The following ELP4 variants were observed in gnomAD, a reference collection of about 807,000 sequenced individuals.
ELP4 encodes elongator complex protein 4.
A neutral mutation model predicts 48.9 loss-of-function variants in ELP4; 51 were observed. The observed-to-expected ratio is 1.04, with a 90% CI of 0.83 to 1.32. The LOEUF (loss-of-function observed/expected upper bound fraction) is 1.32, where lower values mean the gene tolerates loss of function less well. Among genes scored for constraint, ELP4 ranks in the 40% most tolerant of loss-of-function variants. The pLI is 0.00. For missense variants in ELP4, 519 were observed against 514.6 expected (o/e 1.01, Z -0.08); for synonymous variants, 210 against 189.2 (o/e 1.11, Z -0.90).
At chr11:31,719,115 C>G (rs1002834783) in intron 9 of ELP4, among the ~76,000 whole-genome samples, 2 of 151,826 alleles carry the variant, frequency 1.3e-5, no homozygotes, top group Admixed American at 1.3e-4. Context: ...AAAAATTAGC[C>G]AGGTGTGGTG....
At chr11:31,689,850 T>TGTGGTG (rs369346535) in intron 9 of ELP4, among the ~76,000 whole-genome samples, 3 of 152,038 alleles carry the variant, frequency 2.0e-5, no homozygotes, top group African/African-American at 7.2e-5. Flanking sequence ...GGGTTGTGGT[T>TGTGGTG]GTGGTGGTGG....
intron 2 of ELP4, among the ~76,000 whole-genome samples, chr11:31,523,039 AT>A (rs369793709): frequency 0.029 from 4,147 of 145,218 alleles, 167 homozygotes; most frequent in African/African-American, 0.096. Context: ...TTATTTATTA[AT>A]TTTTTTTTTT....
Position 31,788,858 on chromosome 11 carries a change from T to C in ELP4, c.*5334T>C, listed in dbSNP as rs1948933394. Reference sequence around the variant, plus strand: ...AACAGAGTGTGTGTGAAAGTAACCATTGGTTTAGAATGTTGATCTAACATG... The same window carrying C: ...AACAGAGTGTGTGTGAAAGTAACCACTGGTTTAGAATGTTGATCTAACATG... On this transcript the variant is annotated 3_prime_UTR_variant, in exon 10 of 10. Coordinates refer to ENST00000640961, the MANE Select transcript of ELP4 (RefSeq NM_019040.5). 9.9e-6 allele frequency: 2 copies of C among 202,888 alleles called. No individual in the cohort carries two copies. Among genetic ancestry groups the C allele is most frequent in the Admixed American group, 1.2e-4 (2 of 16,722 alleles). 12.6% of individuals were successfully genotyped at this position (202,888 alleles called of 1,614,324 possible).
chr11:31,673,612 A>G (rs1945856102), intron 9 of ELP4, among the ~76,000 whole-genome samples: 1 of 152,134 alleles, frequency 6.6e-6, no homozygotes, highest in Non-Finnish European at 1.5e-5. Flanking sequence ...TACAGGCATG[A>G]GCCACTGCAC....
chr11:31,553,266 CATG>C (rs1264096295), intron 3 of ELP4, among the ~76,000 whole-genome samples: 1 of 152,050 alleles, frequency 6.6e-6, no homozygotes, highest in East Asian at 1.9e-4. Context: ...TCTGAGGAAA[CATG>C]ATACCCAAAT....
Position 31,537,477 on chromosome 11 carries a change from TAGTCCCTTCTCGCACTGCTCTAA to T in ELP4, c.260-2182_260-2160del, listed in dbSNP as rs1404370476. The stretch of plus-strand genomic sequence containing the variant: ...GTTCAGATTTCTTTGACTGTTGTAT[TAGTCCCTTCTCGCACTGCTCTAA>T]AGAAATAATTGAGACTGGGTAATTT... On this transcript the variant is annotated intron_variant, in intron 2 of 9. Transcript: ENST00000640961. Among the ~76,000 whole-genome samples, 11 of 152,330 alleles carry T rather than the reference TAGTCCCTTCTCGCACTGCTCTAA, an allele frequency of 7.2e-5. No homozygotes were observed. In the East Asian group the frequency reaches 1.3e-3, roughly 19 times the overall value.
At chr11:31,515,500 TAAAAAAG>T (rs1956095009) in intron 1 of ELP4, among the ~76,000 whole-genome samples, 2 of 151,844 alleles carry the variant, frequency 1.3e-5, no homozygotes, top group Admixed American at 1.3e-4. Context: ...ATCAAAGAAT[TAAAAAAG>T]AAAAAGAATT....
At chr11:31,692,693 A>G (rs1946304608) in intron 9 of ELP4, among the ~76,000 whole-genome samples, 1 of 152,080 alleles carries the variant, frequency 6.6e-6, no homozygotes, top group Non-Finnish European at 1.5e-5. Flanking sequence ...CTTAATTCCA[A>G]TTCCTCGAAG....
Position 31,520,107 on chromosome 11 carries a change from A to C in ELP4, c.259+16A>C, listed in dbSNP as rs1370275265. Reference sequence around the variant, plus strand: ...CTTCTAATTGGTTAGTACAAAATACATGCTTTGCTCTCCTCTATCATTGTT... The same window carrying C: ...CTTCTAATTGGTTAGTACAAAATACCTGCTTTGCTCTCCTCTATCATTGTT... On this transcript the variant is annotated intron_variant, in intron 2 of 9. Coordinates refer to ENST00000640961, the MANE Select transcript of ELP4 (RefSeq NM_019040.5). The C allele has an allele frequency of 1.9e-6, 3 of 1,605,230 alleles. No individual in the cohort carries two copies. Among genetic ancestry groups the C allele is most frequent in the East Asian group, 4.5e-5 (2 of 44,498 alleles).
intron 3 of ELP4, among the ~76,000 whole-genome samples, chr11:31,547,286 A>G (rs1398148244): frequency 3.9e-5 from 6 of 152,094 alleles, no homozygotes; most frequent in Admixed American, 1.3e-4. Flanking sequence ...AGACGCAATA[A>G]AAAATGATAA....
chr11:31,779,199 A>G (rs1948314944), intron 9 of ELP4, among the ~76,000 whole-genome samples: 1 of 152,254 alleles, frequency 6.6e-6, no homozygotes, highest in African/African-American at 2.4e-5. Flanking sequence ...AGTATACTAC[A>G]TCAGTTGTTT....
intron 9 of ELP4, among the ~76,000 whole-genome samples, chr11:31,721,329 A>T (rs1201816932): frequency 1.3e-5 from 2 of 152,168 alleles, no homozygotes; most frequent in African/African-American, 4.8e-5. Context: ...TGATTTTGGT[A>T]TGCATGATTT....
intron 3 of ELP4, among the ~76,000 whole-genome samples, chr11:31,589,805 T>G (rs1957538463): frequency 6.6e-6 from 1 of 152,142 alleles, no homozygotes; most frequent in Admixed American, 6.5e-5. Flanking sequence ...CCTTCTTACT[T>G]TGCTCCAGTT....
At chr11:31,780,718 A>G (rs1450871965) in intron 9 of ELP4, 1 of 152,202 alleles carries the variant, frequency 6.6e-6, no homozygotes, top group African/African-American at 2.4e-5. Flanking sequence ...ATTGCCTAGA[A>G]AAGCAGAGGC....
chr11:31,627,109 G>A lies in ELP4; in HGVS notation c.654-1G>A. ...ATTTGAACCACTTCTTTTACCAACA[G>A]TTCTTTGACCCCTGGCTACACAAAG... On this transcript the variant is annotated splice_acceptor_variant, in intron 5 of 9. Coordinates refer to ENST00000640961, the MANE Select transcript of ELP4 (RefSeq NM_019040.5). LOFTEE classifies it high-confidence loss of function. 1 of 1,601,978 alleles carries A rather than the reference G, an allele frequency of 6.2e-7. No homozygotes were observed. The highest frequency in any genetic ancestry group is 1.1e-5 in the South Asian group (1 of 89,802).
chr11:31,737,687 T>A (rs1947349504), intron 9 of ELP4, among the ~76,000 whole-genome samples: 2 of 152,060 alleles, frequency 1.3e-5, no homozygotes, highest in Non-Finnish European at 2.9e-5. Context: ...GAATCGACAT[T>A]TCTTCAAAGA....
chr11:31,592,182 A>C (rs1957591129), intron 3 of ELP4, among the ~76,000 whole-genome samples: 1 of 152,196 alleles, frequency 6.6e-6, no homozygotes, highest in Non-Finnish European at 1.5e-5. Flanking sequence ...ACTCTGAATT[A>C]TTAAAAATTA....
At chr11:31,748,244 T>G (rs1251616585) in intron 9 of ELP4, among the ~76,000 whole-genome samples, 7 of 122,802 alleles carry the variant, frequency 5.7e-5, no homozygotes, top group Admixed American at 4.8e-4. Context: ...AACCAAGATC[T>G]TTTTTTTTTT....
intron 9 of ELP4, among the ~76,000 whole-genome samples, chr11:31,774,015 C>CA (rs1431659065): frequency 3.3e-5 from 5 of 152,038 alleles, no homozygotes; most frequent in African/African-American, 7.2e-5. Flanking sequence ...CCTATCTTTA[C>CA]AAAAAATACA....
Sources: gnomAD v4.1 joint callset for allele counts (sites outside exome capture counted in the v4.1 genomes callset) on GRCh38, gnomAD v4.1.1 for gene constraint, MANE v1.5 for transcripts, NCBI Gene and HGNC (gene_info 2026-07-23, HGNC 2026-07-21) for gene names.